Variants in CHL1 observed in about 807,000 individuals in gnomAD.
The protein encoded by CHL1 is neural cell adhesion molecule L1-like protein.
Under a neutral mutation model 141.9 loss-of-function variants are expected in CHL1, and 96 were observed. The ratio of observed to expected loss-of-function variants is 0.68; its 90% CI spans 0.57 to 0.80. The LOEUF (loss-of-function observed/expected upper bound fraction) is 0.80. Ranked by LOEUF, CHL1 falls within the 30% of genes least tolerant of loss-of-function variation. The pLI is 0.00. For synonymous variants in CHL1, 613 were observed against 502.2 expected, an observed-to-expected ratio of 1.22 and a Z score of -2.95; for missense variants, 1,820 against 1,457.2, an observed-to-expected ratio of 1.25 and a Z score of -4.05.
At chr3:247,571 TCACTTTCTGGA>T (rs893510087) in intron 2 of CHL1, 2 of 152,078 alleles carry the variant, frequency 1.3e-5, no homozygotes, top group African/African-American at 4.8e-5. Context: ...TCCTGATAGA[TCACTTTCTGGA>T]CACTTTCTGT....
intron 2 of CHL1, among the ~76,000 whole-genome samples, chr3:316,114 C>T (rs543129058): frequency 4.6e-5 from 7 of 152,062 alleles, no homozygotes; most frequent in East Asian, 1.9e-4. Flanking sequence ...TCCAGTTGAC[C>T]GGTGCCATCT....
At chr3:386,367 T>C (rs1263998299) in intron 19 of CHL1, among the ~76,000 whole-genome samples, 1 of 152,232 alleles carries the variant, frequency 6.6e-6, no homozygotes, top group African/African-American at 2.4e-5. Flanking sequence ...TTTAACTTAA[T>C]GGTAGAACTA....
At chr3:280,349 G>C (rs1696530465) in intron 2 of CHL1, among the ~76,000 whole-genome samples, 1 of 151,916 alleles carries the variant, frequency 6.6e-6, no homozygotes. Context: ...AGTATGTCAA[G>C]AAAATTGAAC....
At chr3:296,172 C>A (rs141232393) in intron 2 of CHL1, among the ~76,000 whole-genome samples, 1 of 152,066 alleles carries the variant, frequency 6.6e-6, no homozygotes, top group African/African-American at 2.4e-5. Context: ...ATATCCCGTA[C>A]GCACTTAGTA....
intron 1 of CHL1, among the ~76,000 whole-genome samples, chr3:236,002 T>A (rs545937486): frequency 2.1e-4 from 32 of 152,198 alleles, no homozygotes; most frequent in Non-Finnish European, 4.3e-4. Context: ...GTTTTCAGGT[T>A]TGACTATGCA....
chr3:379,564 A>C (rs977019803), intron 16 of CHL1, among the ~76,000 whole-genome samples: 1 of 152,134 alleles, frequency 6.6e-6, no homozygotes, highest in Non-Finnish European at 1.5e-5. Context: ...TATTTTGAGC[A>C]GTCTCAGCCA....
chr3:206,951 T>C (rs528916331), intron 1 of CHL1, among the ~76,000 whole-genome samples: 1 of 152,192 alleles, frequency 6.6e-6, no homozygotes, highest in South Asian at 2.1e-4. Flanking sequence ...CAGATTAAAA[T>C]AGAAATCGTT....
intron 1 of CHL1, among the ~76,000 whole-genome samples, chr3:215,786 G>C (rs973145162): frequency 6.6e-6 from 1 of 151,982 alleles, no homozygotes; most frequent in Non-Finnish European, 1.5e-5. Context: ...TCTGTGCATT[G>C]AAGCATCTCT....
intron 11 of CHL1, among the ~76,000 whole-genome samples, chr3:358,145 C>T (rs893731062): frequency 1.3e-5 from 2 of 152,074 alleles, no homozygotes; most frequent in Non-Finnish European, 2.9e-5. Flanking sequence ...TGTAAAAGTC[C>T]AACACGAGTC....
intron 2 of CHL1, among the ~76,000 whole-genome samples, chr3:298,845 T>C (rs1480541340): frequency 1.3e-5 from 2 of 152,182 alleles, no homozygotes; most frequent in Non-Finnish European, 2.9e-5. Flanking sequence ...TTTTACCATA[T>C]AAGATGATGA....
intron 1 of CHL1, among the ~76,000 whole-genome samples, chr3:199,895 T>C (rs990780144): frequency 6.6e-6 from 1 of 152,176 alleles, no homozygotes; most frequent in African/African-American, 2.4e-5. Context: ...TTTTAACCGA[T>C]AAAAGAAAAT....
intron 1 of CHL1, among the ~76,000 whole-genome samples, chr3:209,359 G>GATA (rs917472444): frequency 1.3e-5 from 2 of 152,180 alleles, no homozygotes; most frequent in African/African-American, 4.8e-5. Flanking sequence ...AAGAGAGAGG[G>GATA]ATAGAAAGAC....
chr3:203,067 G>A (rs1699094139), intron 1 of CHL1, among the ~76,000 whole-genome samples: 2 of 152,172 alleles, frequency 1.3e-5, no homozygotes, highest in South Asian at 2.1e-4. Context: ...TTGGACTAAA[G>A]TACTGTGTCA....
At chr3:393,061 G>A (rs778402541) in intron 23 of CHL1, among the ~76,000 whole-genome samples, 20 of 151,834 alleles carry the variant, frequency 1.3e-4, no homozygotes, top group Non-Finnish European at 2.5e-4. Flanking sequence ...GTGAAACCCC[G>A]TCTCTATTAA....
chr3:371,768 CT>C (rs1195492128), intron 15 of CHL1, among the ~76,000 whole-genome samples: 1 of 151,998 alleles, frequency 6.6e-6, no homozygotes, highest in Non-Finnish European at 1.5e-5. Flanking sequence ...ATATTTAGTG[CT>C]TTTTTTCGGG....
chr3:249,201 G>T (rs1458574170), intron 2 of CHL1, among the ~76,000 whole-genome samples: 1 of 152,174 alleles, frequency 6.6e-6, no homozygotes, highest in Non-Finnish European at 1.5e-5. Context: ...CACAACTGCA[G>T]AGGGCAAAGA....
intron 2 of CHL1, among the ~76,000 whole-genome samples, chr3:295,152 C>T (rs1382282380): frequency 1.3e-5 from 2 of 152,138 alleles, no homozygotes; most frequent in African/African-American, 4.8e-5. Context: ...CAATCTGCCT[C>T]CCAATCCCCC....
chr3:280,913 C>CCACA (rs56209708), intron 2 of CHL1, among the ~76,000 whole-genome samples: 12 of 148,652 alleles, frequency 8.1e-5, no homozygotes, highest in East Asian at 2.0e-4. Context: ...CACACATGCA[C>CCACA]CACACACACA....
intron 3 of CHL1, among the ~76,000 whole-genome samples, chr3:325,287 A>C (rs556577403): frequency 6.6e-6 from 1 of 151,870 alleles, no homozygotes; most frequent in South Asian, 2.1e-4. Flanking sequence ...ATAGAGAACC[A>C]CTCTATTTTT....
Sources: gnomAD v4.1 joint callset for allele counts (sites outside exome capture counted in the v4.1 genomes callset) on GRCh38, gnomAD v4.1.1 for gene constraint, MANE v1.5 for transcripts, NCBI Gene and HGNC (gene_info 2026-07-23, HGNC 2026-07-21) for gene names.